Variants in CCSER2 observed in about 807,000 individuals in gnomAD.
CCSER2 encodes the protein serine-rich coiled-coil domain-containing protein 2.
A neutral mutation model predicts 92.3 loss-of-function variants in CCSER2; 46 were observed. The observed-to-expected ratio is 0.50, with a 90% CI of 0.39 to 0.64. The LOEUF (loss-of-function observed/expected upper bound fraction) is 0.64, where lower values mean the gene tolerates loss of function less well. Ranked by LOEUF, CCSER2 falls within the 30% of genes least tolerant of loss-of-function variation. The probability of loss-of-function intolerance (pLI) is 0.00; values close to 1 mark genes in which losing one functional copy is unlikely to be tolerated. For missense variants in CCSER2, 1,244 were observed against 1,238.9 expected (o/e 1.00, Z -0.06); for synonymous variants, 433 against 431.4 (o/e 1.00, Z -0.04).
intron 1 of CCSER2, among the ~76,000 whole-genome samples, chr10:84,346,364 A>G (rs1354948560): frequency 6.6e-6 from 1 of 152,100 alleles, no homozygotes; most frequent in African/African-American, 2.4e-5. Flanking sequence ...GCACCCAGCC[A>G]TGTATTAGAA....
intron 9 of CCSER2, among the ~76,000 whole-genome samples, chr10:84,490,376 C>T (rs1019409842): frequency 6.6e-6 from 1 of 152,188 alleles, no homozygotes; most frequent in African/African-American, 2.4e-5. Flanking sequence ...TTCAGGTACA[C>T]CAATCAGATG....
chr10:84,457,262 ATATTATATAT>A (rs1564684377), intron 6 of CCSER2, among the ~76,000 whole-genome samples: 649 of 33,436 alleles, frequency 0.019, 21 homozygotes, highest in Middle Eastern at 0.059. Flanking sequence ...TATATAAAAT[ATATTATATAT>A]AATATATTAT....
At chr10:84,426,965 G>C (rs1243118254) in intron 5 of CCSER2, among the ~76,000 whole-genome samples, 1 of 152,146 alleles carries the variant, frequency 6.6e-6, no homozygotes, top group African/African-American at 2.4e-5. Flanking sequence ...AGAATGAATA[G>C]ATCATAAACA....
At chr10:84,512,145 A>G (rs1016409911) in intron 9 of CCSER2, among the ~76,000 whole-genome samples, 2 of 152,124 alleles carry the variant, frequency 1.3e-5, no homozygotes, top group Non-Finnish European at 2.9e-5. Flanking sequence ...CTGGGCAGCC[A>G]TTGTCCAGTG....
At chr10:84,442,044 C>T (rs1168309176) in intron 6 of CCSER2, among the ~76,000 whole-genome samples, 1 of 152,122 alleles carries the variant, frequency 6.6e-6, no homozygotes, top group Non-Finnish European at 1.5e-5. Context: ...GCGTGAACCA[C>T]CACGCCTAGC....
intron 9 of CCSER2, among the ~76,000 whole-genome samples, chr10:84,492,617 T>G: frequency 6.6e-6 from 1 of 152,324 alleles, no homozygotes; most frequent in Non-Finnish European, 1.5e-5. Flanking sequence ...TGGGAGATGG[T>G]TTTTATCAAG....
intron 6 of CCSER2, chr10:84,455,689 C>G (rs1589712286): frequency 1.3e-6 from 1 of 743,636 alleles, no homozygotes; most frequent in East Asian, 2.6e-5. Flanking sequence ...AGTAACTCCT[C>G]CCACTTAGAT....
chr10:84,487,614 T>G (rs1353178929), intron 9 of CCSER2, among the ~76,000 whole-genome samples: 1 of 152,246 alleles, frequency 6.6e-6, no homozygotes, highest in Admixed American at 6.5e-5. Context: ...TTGCTGAAGT[T>G]GCTTATCAGC....
At chr10:84,455,948 A>C (rs549346950) in intron 6 of CCSER2, 2 of 656,466 alleles carry the variant, frequency 3.0e-6, no homozygotes, top group Non-Finnish European at 5.9e-6. Flanking sequence ...TTCTGTCTCA[A>C]TTTTGGATTT....
chr10:84,499,380 C>T (rs964316423), intron 9 of CCSER2, among the ~76,000 whole-genome samples: 12 of 152,262 alleles, frequency 7.9e-5, no homozygotes, highest in East Asian at 1.9e-4. Context: ...GTGATCCACC[C>T]GCCTCATCCT....
chr10:84,466,205 T>C (rs1589744042), intron 7 of CCSER2, among the ~76,000 whole-genome samples: 1 of 152,222 alleles, frequency 6.6e-6, no homozygotes, highest in South Asian at 2.1e-4. Context: ...AATCCCCAAC[T>C]GTGTCACCTT....
In CCSER2 at chr10:84,513,464, C is replaced by T. The variant is rs866188943; in HGVS notation, c.2341C>T (p.Pro781Ser). 20 of 1,608,322 alleles carry T rather than the reference C, an allele frequency of 1.2e-5. No individual in the cohort carries two copies. In the African/African-American group the frequency reaches 2.4e-4, roughly 19 times the overall value. ...ATTTTAACAGCCTCAAGTACTACAG[C>T]CTTCCAGCAGCCTTCCCAGACCCAC... ...WRRIPPQVLQ[P>S]SSSLPRPTDH... Residue 781 changes from proline (P) to serine (S), a missense_variant, in exon 10 of 10, where the codon CCT becomes TCT. Physicochemically the swap from Pro to Ser is moderately conservative, Grantham distance 74 (BLOSUM62 -1). Transcript: ENST00000372088.
chr10:84,399,767 T>A (rs1303855966), intron 3 of CCSER2, among the ~76,000 whole-genome samples: 2 of 151,812 alleles, frequency 1.3e-5, no homozygotes, highest in African/African-American at 4.8e-5. Flanking sequence ...TTTTCATTTA[T>A]TTTTTAAACC....
intron 6 of CCSER2, among the ~76,000 whole-genome samples, chr10:84,460,634 A>G (rs1846053681): frequency 6.6e-6 from 1 of 151,554 alleles, no homozygotes; most frequent in African/African-American, 2.4e-5. Flanking sequence ...GCTTTAAACC[A>G]TGAATTCATT....
intron 1 of CCSER2, among the ~76,000 whole-genome samples, chr10:84,338,633 A>G (rs1843984903): frequency 6.6e-6 from 1 of 152,138 alleles, no homozygotes; most frequent in Non-Finnish European, 1.5e-5. Flanking sequence ...CAAAATTTTG[A>G]TTTAGCAACC....
intron 1 of CCSER2, among the ~76,000 whole-genome samples, chr10:84,360,981 T>C (rs1445008296): frequency 6.6e-6 from 1 of 152,214 alleles, no homozygotes; most frequent in Non-Finnish European, 1.5e-5. Flanking sequence ...ATTTTTTTCC[T>C]GTGCCCCTGG....
intron 1 of CCSER2, among the ~76,000 whole-genome samples, chr10:84,329,603 T>TC (rs1218425927): frequency 2.6e-5 from 4 of 152,214 alleles, no homozygotes; most frequent in African/African-American, 9.6e-5. Context: ...ATTCCTTTTC[T>TC]CCTGAGCATT....
chr10:84,391,072 A>G (rs1213278325), intron 3 of CCSER2: 16 of 779,412 alleles, frequency 2.1e-5, no homozygotes, highest in Non-Finnish European at 3.6e-5. Flanking sequence ...ACCAGAATAT[A>G]TTCAGATGCT....
chr10:84,365,805 G>A (rs1180610699), intron 1 of CCSER2, among the ~76,000 whole-genome samples: 1 of 152,170 alleles, frequency 6.6e-6, no homozygotes, highest in Non-Finnish European at 1.5e-5. Flanking sequence ...GACAGGCGGG[G>A]AAATGTTAAA....
Sources: gnomAD v4.1 joint callset for allele counts (sites outside exome capture counted in the v4.1 genomes callset) on GRCh38, gnomAD v4.1.1 for gene constraint, MANE v1.5 for transcripts, NCBI Gene and HGNC (gene_info 2026-07-23, HGNC 2026-07-21) for gene names.